Variants in SLURP2 observed in about 807,000 individuals in gnomAD.
SLURP2 encodes the protein secreted LY6/PLAUR domain containing 2.
A neutral mutation model predicts 9.8 loss-of-function variants in SLURP2; 4 were observed. That is an observed-to-expected ratio of 0.41 (90% CI 0.20 to 0.94). SLURP2 has a LOEUF of 0.94. Among genes scored for constraint, SLURP2 ranks in the 40% least tolerant of loss-of-function variants. SLURP2 has a pLI of 0.32. For synonymous variants in SLURP2, 58 were observed against 56.2 expected, an observed-to-expected ratio of 1.03 and a Z score of -0.15; for missense variants, 118 against 126.4, an observed-to-expected ratio of 0.93 and a Z score of 0.32.
intron 1 of SLURP2, 129 bp from the exon 2 acceptor site, chr8:142,765,269 C>T (rs369543977): frequency 2.8e-6 from 2 of 710,058 alleles, no homozygotes; most frequent in East Asian, 5.7e-5. Context: ...TGTCCCGACC[C>T]TGTGATCCAG....
Position 142,766,840 on chromosome 8 carries a change from T to G in SLURP2, c.53-1700A>C, listed in dbSNP as rs146603892. 3.4e-3 allele frequency among the ~76,000 whole-genome samples: 511 copies of G among 152,226 alleles called. 3 individuals are homozygous for G. The highest frequency in any genetic ancestry group is 0.012 in the African/African-American group (479 of 41,526). ...GCCTGCAGGGTGACAAGGCCAATGG[T>G]GTGGCCATAAGGATGTGAGGGCTGC... On this transcript the variant is annotated intron_variant, in intron 1 of 2. Transcript: ENST00000317543.
Position 142,764,565 on chromosome 8 carries a change from G to A in SLURP2, c.*40C>T, listed in dbSNP as rs1235362413. On this transcript the variant is annotated 3_prime_UTR_variant, in exon 3 of 3. Transcript: ENST00000317543. ...GCCCTGGCGCCAGGCTGTGGGGGCT[G>A]TGGGGGCTGAGCGTCCGGGGGCCTG... 3 of 1,592,840 alleles carry A rather than the reference G, an allele frequency of 1.9e-6. No homozygotes were observed. Among genetic ancestry groups the A allele is most frequent in the African/African-American group, 1.4e-5 (1 of 73,668 alleles).
At position 142,765,147 on chromosome 8, in the gene SLURP2, A is replaced by T. The variant is rs1298433331; in HGVS notation, c.53-7T>A. ...CATATGGCTTCGGCTGCAGCTGCGG[A>T]CATGGGGACAGACAGGACACAAACG... On this transcript the variant is annotated splice_region_variant and splice_polypyrimidine_tract_variant and intron_variant, in intron 1 of 2. Coordinates refer to ENST00000317543, the MANE Select transcript of SLURP2 (RefSeq NM_177458.3). The T allele has an allele frequency of 4.4e-6, 7 of 1,603,324 alleles. No individual in the cohort carries two copies. Among genetic ancestry groups the T allele is most frequent in the Non-Finnish European group, 6.0e-6 (7 of 1,174,890 alleles).
Position 142,768,329 on chromosome 8 carries a change from AC to A in SLURP2, c.52+1425del, listed in dbSNP as rs1000084537. ...TGGGGGCAGGTCTCTCCCACTGGGG[AC>A]CCCCGTGCTGGCTCTGAAGCAGGCT... On this transcript the variant is annotated intron_variant, in intron 1 of 2. Transcript: ENST00000317543. This position sits in a 1 kb window ranked among gnomAD's most constrained non-coding sequence, Gnocchi z 4.8. Among the ~76,000 whole-genome samples the A allele has an allele frequency of 1.9e-4, 29 of 150,966 alleles. No individual in the cohort carries two copies. Among genetic ancestry groups the A allele is most frequent in the African/African-American group, 7.1e-4 (29 of 40,976 alleles).
chr8:142,769,730 A>T, intron 1 of SLURP2, 25 bp downstream of exon 1: 1 of 1,591,918 alleles, frequency 6.3e-7, no homozygotes, highest in Non-Finnish European at 8.6e-7. Flanking sequence ...CTTGAGCAGG[A>T]GGTGGCCCCA....
chr8:142,765,558 C>T (rs1244703414), intron 1 of SLURP2, among the ~76,000 whole-genome samples: 2 of 152,174 alleles, frequency 1.3e-5, no homozygotes, highest in Non-Finnish European at 2.9e-5. Flanking sequence ...ACCTGTTAGA[C>T]CCCCGGGACT....
chr8:142,765,262 C>A, intron 1 of SLURP2, 122 bp from the exon 2 acceptor site: 1 of 746,230 alleles, frequency 1.3e-6, no homozygotes, highest in South Asian at 1.8e-5. Context: ...CGGCCAGTGT[C>A]CCGACCCTGT....
intron 1 of SLURP2, among the ~76,000 whole-genome samples, chr8:142,765,682 C>T (rs867496225): frequency 8.5e-5 from 13 of 152,248 alleles, no homozygotes; most frequent in South Asian, 4.2e-4. Context: ...ATGTGTAGGC[C>T]GGGCGCGGTG....
At position 142,765,228 on chromosome 8, in the gene SLURP2, C is replaced by T. The variant is rs921786336; in HGVS notation, c.53-88G>A. 2.0e-5 allele frequency: 20 copies of T among 993,560 alleles called. No individual in the cohort carries two copies. The African/African-American group carries it at 3.0e-4, about 15-fold the overall frequency. 61.5% of individuals were successfully genotyped at this position (993,560 alleles called of 1,614,324 possible). Reference sequence around the variant, plus strand: ...AGTGACGGCACGCACTCATCTCCACCCAGCAGCCCATGCTCCTTCTCAGCG... The same window carrying T: ...AGTGACGGCACGCACTCATCTCCACTCAGCAGCCCATGCTCCTTCTCAGCG... On this transcript the variant is annotated intron_variant, in intron 1 of 2. Coordinates refer to ENST00000317543, the MANE Select transcript of SLURP2 (RefSeq NM_177458.3).
chr8:142,764,806 C>T, intron 2 of SLURP2, 65 bp from the exon 3 acceptor site: 1 of 1,580,466 alleles, frequency 6.3e-7, no homozygotes, highest in East Asian at 2.2e-5. Flanking sequence ...CCCTGCTGCC[C>T]CATCTGCCAC....
chr8:142,765,819 T>G (rs1046321654), intron 1 of SLURP2, among the ~76,000 whole-genome samples: 2 of 151,818 alleles, frequency 1.3e-5, no homozygotes, highest in African/African-American at 4.8e-5. Context: ...AAACATTAGC[T>G]GGGCATGGTG....
At chr8:142,764,997 CAAG>C in intron 2 of SLURP2, 36 bp downstream of exon 2, 1 of 1,532,782 alleles carries the variant, frequency 6.5e-7, no homozygotes, top group Non-Finnish European at 8.9e-7. Flanking sequence ...CCCACCTGGG[CAAG>C]AAGGACGTGG....
rs1216630029 is a variant in SLURP2, at chr8:142,768,137, CA to C, written c.52+1617del. Among the ~76,000 whole-genome samples, 3 of 143,686 alleles carry C rather than the reference CA, an allele frequency of 2.1e-5. No individual in the cohort carries two copies. The highest frequency in any genetic ancestry group is 7.0e-5 in the Admixed American group (1 of 14,316). 94.3% of individuals were successfully genotyped at this position (143,686 alleles called of 152,430 possible). A position where few individuals can be genotyped will look rare whatever the true frequency, so the allele number is the denominator to read the frequency against. On this transcript the variant is annotated intron_variant, in intron 1 of 2. Coordinates refer to ENST00000317543, the MANE Select transcript of SLURP2 (RefSeq NM_177458.3). This position sits in a 1 kb window ranked among gnomAD's most constrained non-coding sequence, Gnocchi z 4.8. ...CTGACACACGGGAGGGAGGGGAGAT[CA>C]GGGGGAGAAGAGGAGAGAGGAAGGG...
At chr8:142,767,058 C>G (rs1424130092) in intron 1 of SLURP2, among the ~76,000 whole-genome samples, 4 of 152,278 alleles carry the variant, frequency 2.6e-5, no homozygotes, top group African/African-American at 9.6e-5. Context: ...GGGTTCCTGA[C>G]AGCATGGCTC....
Position 142,768,259 on chromosome 8 carries a change from G to A in SLURP2, c.52+1496C>T, listed in dbSNP as rs1459692350. ...GGGGGAGGGGGCAGGAATAATGGAG[G>A]GACAAACAGGATGGTGGGATGGGCT... On this transcript the variant is annotated intron_variant, in intron 1 of 2. Transcript: ENST00000317543. The surrounding 1 kb of genome is among the most constrained non-coding windows in gnomAD (Gnocchi z 4.8). Among the ~76,000 whole-genome samples, 1 of 150,630 alleles carries A rather than the reference G, an allele frequency of 6.6e-6. No homozygotes were observed. The highest frequency in any genetic ancestry group is 1.5e-5 in the Non-Finnish European group (1 of 67,594).
intron 1 of SLURP2, among the ~76,000 whole-genome samples, chr8:142,767,858 G>A (rs1260430413): frequency 6.6e-6 from 1 of 152,018 alleles, no homozygotes; most frequent in Non-Finnish European, 1.5e-5. Context: ...TCCCTCCCCT[G>A]CACTTAATGA....
At chr8:142,764,942 C>A in intron 2 of SLURP2, 94 bp downstream of exon 2, 1 of 1,207,694 alleles carries the variant, frequency 8.3e-7, no homozygotes. Context: ...TTCTGACTTA[C>A]TGGGTGCCTG....
intron 1 of SLURP2, among the ~76,000 whole-genome samples, chr8:142,769,492 G>A (rs934758431): frequency 4.6e-4 from 68 of 147,076 alleles, no homozygotes; most frequent in African/African-American, 1.6e-3. Context: ...AGGTCTGGGG[G>A]CTGGGCAGAG....
chr8:142,769,319 G>A (rs1815098520), intron 1 of SLURP2, among the ~76,000 whole-genome samples: 1 of 151,924 alleles, frequency 6.6e-6, no homozygotes, highest in African/African-American at 2.4e-5. Flanking sequence ...AGAGGGACTT[G>A]GTTTTCCCAG....
Sources: allele counts gnomAD v4.1 joint callset (sites outside exome capture counted in the v4.1 genomes callset), GRCh38; gene constraint gnomAD v4.1.1; non-coding constraint Gnocchi (gnomAD v3.1); transcripts MANE v1.5; gene names NCBI Gene and HGNC (gene_info 2026-07-23, HGNC 2026-07-21).